LGSN: variants seen among roughly 807,000 people sequenced by gnomAD.
LGSN encodes lengsin, lens protein with glutamine synthetase domain, also known as lengsin.
Under a neutral mutation model 19.5 loss-of-function variants are expected in LGSN, and 21 were observed. The ratio of observed to expected loss-of-function variants is 1.07; its 90% CI spans 0.76 to 1.55. The LOEUF (loss-of-function observed/expected upper bound fraction) is 1.55, where lower values mean the gene tolerates loss of function less well. Ranked by LOEUF, LGSN falls within the 40% of genes most tolerant of loss-of-function variation. The pLI is 0.00. For synonymous variants in LGSN, 257 were observed against 215.6 expected (o/e 1.19, Z -1.68); for missense variants, 673 against 608.5 (o/e 1.11, Z -1.12).
chr6:63,411,272 T>G, the LGSN span, among the ~76,000 whole-genome samples: 1 of 152,192 alleles, frequency 6.6e-6, no homozygotes, highest in East Asian at 1.9e-4. Flanking sequence ...GCAGACATTC[T>G]CCCAGTTACT....
chr6:63,570,761 T>C, the LGSN span, among the ~76,000 whole-genome samples: 1 of 152,260 alleles, frequency 6.6e-6, no homozygotes, highest in African/African-American at 2.4e-5. Context: ...GCTTTTTAAC[T>C]ACACTATTAT....
At chr6:63,282,375 T>G (rs1369622297) in intron 3 of LGSN, among the ~76,000 whole-genome samples, 2 of 152,160 alleles carry the variant, frequency 1.3e-5, no homozygotes, top group African/African-American at 4.8e-5. Flanking sequence ...TTTTTTCCCC[T>G]TATAAACAAC....
At chr6:63,289,447 CATG>C (rs1767681797) in intron 2 of LGSN, among the ~76,000 whole-genome samples, 1 of 152,096 alleles carries the variant, frequency 6.6e-6, no homozygotes, top group South Asian at 2.1e-4. Context: ...CCCAGTTGCA[CATG>C]ATGAATAGCA....
At chr6:63,491,244 C>T in the LGSN span, among the ~76,000 whole-genome samples, 2 of 152,178 alleles carry the variant, frequency 1.3e-5, no homozygotes, top group African/African-American at 4.8e-5. Context: ...AGCACTTTAA[C>T]CTGGAGTGTA....
At chr6:63,282,001 T>C (rs1767341642) in intron 3 of LGSN, among the ~76,000 whole-genome samples, 1 of 152,206 alleles carries the variant, frequency 6.6e-6, no homozygotes, top group African/African-American at 2.4e-5. Context: ...CGGCAAGTCA[T>C]TGGATTATGT....
chr6:63,432,913 T>C, the LGSN span, among the ~76,000 whole-genome samples: 2 of 152,176 alleles, frequency 1.3e-5, no homozygotes, highest in South Asian at 2.1e-4. Flanking sequence ...ATTTGTCTTA[T>C]CTTCCCTTGG....
the LGSN span, among the ~76,000 whole-genome samples, chr6:63,518,471 G>A: frequency 6.6e-6 from 1 of 152,164 alleles, no homozygotes; most frequent in Non-Finnish European, 1.5e-5. Flanking sequence ...ATCCAACAGA[G>A]GTAAAGGATA....
At chr6:63,491,387 G>A in the LGSN span, among the ~76,000 whole-genome samples, 8 of 152,288 alleles carry the variant, frequency 5.3e-5, no homozygotes, top group East Asian at 1.9e-4. Context: ...CAATTCCTGC[G>A]TAAGCTGGAA....
chr6:63,400,424 C>G, the LGSN span, among the ~76,000 whole-genome samples: 3 of 152,150 alleles, frequency 2.0e-5, no homozygotes, highest in Admixed American at 2.0e-4. Flanking sequence ...TAAAGTGCAC[C>G]TCCAGGACAT....
the LGSN span, among the ~76,000 whole-genome samples, chr6:63,374,865 C>T: frequency 6.6e-6 from 1 of 152,152 alleles, no homozygotes; most frequent in African/African-American, 2.4e-5. Flanking sequence ...TCCTGAACAT[C>T]TCCATCTCTT....
At chr6:63,408,082 A>T in the LGSN span, among the ~76,000 whole-genome samples, 1 of 152,244 alleles carries the variant, frequency 6.6e-6, no homozygotes, top group African/African-American at 2.4e-5. Context: ...AAGAATCAAT[A>T]TCATGAAAAT....
chr6:63,351,431 G>A, the LGSN span, among the ~76,000 whole-genome samples: 1 of 145,232 alleles, frequency 6.9e-6, no homozygotes, highest in African/African-American at 2.4e-5. Context: ...GAGAGAGAGA[G>A]AGGAAGAGAG....
intron 1 of LGSN, among the ~76,000 whole-genome samples, chr6:63,295,416 C>A (rs1028821235): frequency 6.6e-6 from 1 of 152,014 alleles, no homozygotes. Flanking sequence ...TTTATGATTT[C>A]TATTTTTTAG....
rs1767154369 is a variant in LGSN at position 63,278,174 on chromosome 6, T to C, written c.*1847A>G. The C allele has an allele frequency of 6.6e-6, 1 of 152,046 alleles. No individual in the cohort carries two copies. The highest frequency in any genetic ancestry group is 1.5e-5 in the Non-Finnish European group (1 of 68,028). The allele number at this position is 152,046 out of a possible 1,614,324, so 9.4% of individuals were successfully genotyped here. A position where few individuals can be genotyped will look rare whatever the true frequency, so the allele number is the denominator to read the frequency against. ...CCTCTTTGCACTGAACCTAATAACA[T>C]GACCACATCCAACCTTAATGAAGGC... is the stretch of plus-strand genomic sequence containing the variant. On this transcript the variant is annotated 3_prime_UTR_variant, in exon 4 of 4. Transcript: ENST00000370657.
the LGSN span, among the ~76,000 whole-genome samples, chr6:63,361,512 G>A: frequency 2.0e-5 from 3 of 152,122 alleles, no homozygotes; most frequent in African/African-American, 7.2e-5. Flanking sequence ...GAAAAGCGCA[G>A]TATTAGGGTG....
intron 1 of LGSN, among the ~76,000 whole-genome samples, chr6:63,309,021 G>A (rs1001501681): frequency 6.6e-6 from 1 of 152,112 alleles, no homozygotes; most frequent in East Asian, 1.9e-4. Context: ...TCCAAGATAC[G>A]TCATGTATGT....
At chr6:63,443,210 C>T in the LGSN span, among the ~76,000 whole-genome samples, 10 of 152,214 alleles carry the variant, frequency 6.6e-5, no homozygotes, top group East Asian at 1.2e-3. Flanking sequence ...CATTGCCCAG[C>T]GCCAGTGGCG....
chr6:63,276,188 A>T lies in LGSN; in HGVS notation c.*3833T>A, dbSNP rs1767102308. The T allele has an allele frequency of 6.6e-6, 1 of 152,240 alleles. No homozygotes were observed. The highest frequency in any genetic ancestry group is 2.4e-5 in the African/African-American group (1 of 41,460). 9.4% of individuals were successfully genotyped at this position (152,240 alleles called of 1,614,324 possible). On this transcript the variant is annotated 3_prime_UTR_variant, in exon 4 of 4. Coordinates refer to ENST00000370657, the MANE Select transcript of LGSN (RefSeq NM_016571.3). Reference sequence around the variant, plus strand: ...TATTGGTGAGTGTATTTTGTCAAACAGGTGACTGGAGATATGTCAATAGAC... The same window carrying T: ...TATTGGTGAGTGTATTTTGTCAAACTGGTGACTGGAGATATGTCAATAGAC...
intron 2 of LGSN, 95 bp from the exon 3 acceptor site, chr6:63,285,848 AC>A (rs1057364580): frequency 3.1e-5 from 28 of 900,462 alleles, no homozygotes; most frequent in Admixed American, 1.9e-4. Flanking sequence ...AATATTATTA[AC>A]AAAAACATTA....
Sources: gnomAD v4.1 joint callset for allele counts (sites outside exome capture counted in the v4.1 genomes callset) on GRCh38, gnomAD v4.1.1 for gene constraint, MANE v1.5 for transcripts, NCBI Gene and HGNC (gene_info 2026-07-23, HGNC 2026-07-21) for gene names.